The following TEKT2 variants were observed in gnomAD, a reference collection of about 807,000 sequenced individuals.
TEKT2 encodes tektin 2.
TEKT2 carries 45 observed loss-of-function variants against 49.8 expected under a neutral mutation model. The observed-to-expected ratio is 0.90, with a 90% CI of 0.71 to 1.16. The LOEUF is 1.16. TEKT2 is among the 50% of genes most tolerant of loss of function. The probability of loss-of-function intolerance (pLI) is 0.00; values close to 1 mark genes in which losing one functional copy is unlikely to be tolerated. For missense variants in TEKT2, 523 were observed against 551.4 expected (o/e 0.95, Z 0.52); for synonymous variants, 202 against 224.6 (o/e 0.90, Z 0.90).
rs1351793369 is a variant in TEKT2 at position 36,085,997 on chromosome 1, G to C, written c.444G>C (p.Lys148Asn). 6.2e-7 allele frequency: 1 copy of C among 1,605,880 alleles called. No homozygotes were observed. The highest frequency in any genetic ancestry group is 1.7e-5 in the Admixed American group (1 of 58,684). Residue 148 changes from lysine to asparagine, a missense_variant, in exon 4 of 10, where the codon AAG (lysine) becomes AAC (asparagine). Coordinates refer to ENST00000207457, the MANE Select transcript of TEKT2 (RefSeq NM_014466.3). Reference sequence around the variant, plus strand: ...AGGTGGAGGTCATCGAGGCCACCAAGAAGGCCTTGCAACAGAAGGTCAGCC... The same window carrying C: ...AGGTGGAGGTCATCGAGGCCACCAACAAGGCCTTGCAACAGAAGGTCAGCC... ...HKEVEVIEATKKALQQKVSQA... is the reference protein window; with the variant it reads ...HKEVEVIEATNKALQQKVSQA...
chr1:36,085,396 C>A, intron 3 of TEKT2, 108 bp downstream of exon 3: 1 of 1,552,640 alleles, frequency 6.4e-7, no homozygotes, highest in Non-Finnish European at 8.8e-7. Context: ...GCATGTCCAT[C>A]CGAGTCACTG....
At chr1:36,086,166 C>A in intron 4 of TEKT2, 125 bp downstream of exon 4, 1 of 1,029,890 alleles carries the variant, frequency 9.7e-7, no homozygotes, top group Non-Finnish European at 1.5e-6. Context: ...CCCTCTGGTG[C>A]CTGTGACAGA....
chr1:36,088,212 A>AGGGCT lies in TEKT2; in HGVS notation c.*29_*30insCTGGG. ...CCTTGGAGGACTGCAGGAGGAGGGC[A>AGGGCT]GGGTTGGGTGGGCAATGGAAGGAGG... is the stretch of plus-strand genomic sequence containing the variant. On this transcript the variant is annotated 3_prime_UTR_variant, in exon 10 of 10. Coordinates refer to ENST00000207457, the MANE Select transcript of TEKT2 (RefSeq NM_014466.3). The AGGGCT allele has an allele frequency of 2.7e-6, 2 of 734,524 alleles. No homozygotes were observed. Among genetic ancestry groups the AGGGCT allele is most frequent in the Non-Finnish European group, 2.3e-6 (1 of 432,056 alleles). 45.5% of individuals were successfully genotyped at this position (734,524 alleles called of 1,614,324 possible).
chr1:36,086,786 T>C lies in TEKT2; in HGVS notation c.571T>C (p.Ser191Pro), dbSNP rs2124037823. The C allele has an allele frequency of 6.2e-7, 1 of 1,614,068 alleles. No homozygotes were observed. Among genetic ancestry groups the C allele is most frequent in the Non-Finnish European group, 8.5e-7 (1 of 1,180,008 alleles). The change falls in exon 5 of 10, where the codon TCT becomes CCT. Residue 191 changes from serine (S) to proline (P), a missense_variant. Physicochemically the swap from Ser to Pro is moderately conservative, Grantham distance 74. Coordinates refer to ENST00000207457, the MANE Select transcript of TEKT2 (RefSeq NM_014466.3). ...ETLEIDRGCL[S>P]LNLRSPNISL... ...ACTAGAGATCGACAGAGGCTGTCTC[T>C]CTCTCAACCTCAGATCCCCAAACAT... is the stretch of plus-strand genomic sequence containing the variant.
Position 36,087,247 on chromosome 1 carries a change from C to T in TEKT2, c.791C>T (p.Ala264Val), listed in dbSNP as rs1643394594. Residue 264 changes from alanine to valine, a missense_variant, in exon 7 of 10, where the codon GCC (alanine) becomes GTC (valine). Transcript: ENST00000207457. The surrounding 1 kb of genome is among the most constrained non-coding windows in gnomAD (Gnocchi z 4.9). ...GCCCAGAGAGTTGCAACGGAATTTG[C>T]CTTCAGGAAGCGGCTGCGGGAGATG... is the stretch of plus-strand genomic sequence containing the variant. ...LEAQRVATEF[A>V]FRKRLREMEK... 1 of 1,614,134 alleles carries T rather than the reference C, an allele frequency of 6.2e-7. No homozygotes were observed. Among genetic ancestry groups the T allele is most frequent in the African/African-American group, 1.3e-5 (1 of 75,042 alleles).
At position 36,085,844 on chromosome 1, in the gene TEKT2, G is replaced by A. The variant is rs1387026827; in HGVS notation, c.291G>A (p.Glu97=). 2 of 1,613,546 alleles carry A rather than the reference G, an allele frequency of 1.2e-6. No individual in the cohort carries two copies. The highest frequency in any genetic ancestry group is 1.7e-6 in the Non-Finnish European group (2 of 1,179,888). Residue 97 remains glutamate, a synonymous_variant, in exon 4 of 10, where the codon GAG becomes GAA. Transcript: ENST00000207457. ...CGCGCCCTCTTTTCTAGATGAAGGA[G>A]TCAGCAGAGCAAAACCTGCAGGCCA... The part of the protein sequence containing the change: ...AEIDALTQMK[E]SAEQNLQAKN...
At chr1:36,086,888 C>T in intron 5 of TEKT2, 41 bp downstream of exon 5, 1 of 1,614,068 alleles carries the variant, frequency 6.2e-7, no homozygotes, top group South Asian at 1.1e-5. Context: ...CCTCCCCTCC[C>T]AGGCCACACC....
rs144497984 is a variant in TEKT2 at position 36,088,007 on chromosome 1, C to T, written c.1114C>T (p.Arg372Trp). Residue 372 changes from arginine to tryptophan, a missense_variant, in exon 10 of 10, where the codon CGG becomes TGG. Arg to Trp is a moderately radical substitution (Grantham distance 101). Transcript: ENST00000207457. ...ALDALCKHLA[R>W]LQADIACKAN... is the part of the protein sequence containing the mutation. ...GGACGCCCTGTGCAAGCACCTGGCC[C>T]GGCTGCAGGCTGACATTGCCTGCAA... is the stretch of plus-strand genomic sequence containing the variant. 7.3e-4 allele frequency: 1,182 copies of T among 1,611,818 alleles called. 21 individuals are homozygous for T. The Admixed American group carries it at 0.019, about 25-fold the overall frequency.
chr1:36,088,208 G>A lies in TEKT2; in HGVS notation c.*22G>A. The A allele has an allele frequency of 6.4e-7, 1 of 1,558,192 alleles. No homozygotes were observed. Among genetic ancestry groups the A allele is most frequent in the Non-Finnish European group, 8.8e-7 (1 of 1,132,458 alleles). On this transcript the variant is annotated 3_prime_UTR_variant, in exon 10 of 10. Transcript: ENST00000207457. Reference sequence around the variant, plus strand: ...CTAGCCTTGGAGGACTGCAGGAGGAGGGCAGGGTTGGGTGGGCAATGGAAG... The same window carrying A: ...CTAGCCTTGGAGGACTGCAGGAGGAAGGCAGGGTTGGGTGGGCAATGGAAG...
At position 36,087,486 on chromosome 1, in the gene TEKT2, G is replaced by GGAGGAT; in HGVS notation, c.904_909dup (p.Glu302_Asp303dup). On this transcript the variant is annotated inframe_insertion, in exon 8 of 10. Coordinates refer to ENST00000207457, the MANE Select transcript of TEKT2 (RefSeq NM_014466.3). The surrounding 1 kb of genome is among the most constrained non-coding windows in gnomAD (Gnocchi z 4.9). ...TGCAGGAGGACATCCGGCACCTGGA[G>GGAGGAT]GAGGATCTGCGCACAAAGCTCCTGA... is the stretch of plus-strand genomic sequence containing the variant. The GGAGGAT allele has an allele frequency of 6.2e-7, 1 of 1,613,852 alleles. No individual in the cohort carries two copies. The highest frequency in any genetic ancestry group is 8.5e-7 in the Non-Finnish European group (1 of 1,180,040).
At position 36,087,271 on chromosome 1, in the gene TEKT2, TGGAG is replaced by T. The variant is rs1266954564; in HGVS notation, c.816_819del (p.Met272IlefsTer37). 6.2e-7 allele frequency: 1 copy of T among 1,613,896 alleles called. No individual in the cohort carries two copies. On this transcript the variant is annotated frameshift_variant, in exon 7 of 10. Coordinates refer to ENST00000207457, the MANE Select transcript of TEKT2 (RefSeq NM_014466.3). LOFTEE classifies it high-confidence loss of function. This position sits in a 1 kb window ranked among gnomAD's most constrained non-coding sequence, Gnocchi z 4.9. ...GCCTTCAGGAAGCGGCTGCGGGAGA[TGGAG>T]AAAGTGTACAGTGAGCTCAAGTGGC...
chr1:36,085,565 A>C, intron 3 of TEKT2: 1 of 450,384 alleles, frequency 2.2e-6, no homozygotes, highest in Non-Finnish European at 3.8e-6. Flanking sequence ...CCCAGGCTGG[A>C]GTGCAGTGGT....
rs745875770 is a variant in TEKT2, at chr1:36,087,978, C to T, written c.1085C>T (p.Ala362Val). 9 of 1,609,564 alleles carry T rather than the reference C, an allele frequency of 5.6e-6. No homozygotes were observed. The highest frequency in any genetic ancestry group is 7.6e-6 in the Non-Finnish European group (9 of 1,178,682). Residue 362 changes from alanine to valine, a missense_variant, in exon 10 of 10, where the codon GCA becomes GTA. By Grantham distance (64) the Ala-to-Val change is moderately conservative (BLOSUM62 0). Transcript: ENST00000207457. This position sits in a 1 kb window ranked among gnomAD's most constrained non-coding sequence, Gnocchi z 4.9. Reference protein sequence around the residue: ...LKQKLAQAQDALDALCKHLAR... With the variant: ...LKQKLAQAQDVLDALCKHLAR... ...TTGTCAATGTCCTTCCCTAGGGACG[C>T]ACTGGACGCCCTGTGCAAGCACCTG...
intron 5 of TEKT2, 27 bp downstream of exon 5, chr1:36,086,874 T>C: frequency 6.2e-7 from 1 of 1,614,098 alleles, no homozygotes; most frequent in Non-Finnish European, 8.5e-7. Context: ...AGCCAGTCTC[T>C]TCTCCTCCCC....
chr1:36,085,405 TG>T, intron 3 of TEKT2, 117 bp downstream of exon 3: 1 of 1,516,098 alleles, frequency 6.6e-7, no homozygotes, highest in Non-Finnish European at 9.0e-7. Context: ...TCCGAGTCAC[TG>T]GCCCCCTGCT....
At position 36,084,741 on chromosome 1, in the gene TEKT2, C is replaced by A; in HGVS notation, c.-52-129C>A. 1.2e-6 allele frequency: 1 copy of A among 832,354 alleles called. No individual in the cohort carries two copies. The allele number at this position is 832,354 out of a possible 1,614,324, so 51.6% of individuals were successfully genotyped here. On this transcript the variant is annotated intron_variant, in intron 1 of 9. Transcript: ENST00000207457. The surrounding 1 kb of genome is among the most constrained non-coding windows in gnomAD (Gnocchi z 4.1). ...CACACAAAGTTGAGTAAAGCAAGGG[C>A]TGTCTCCAAGCAGGCTTCCAGCAGG... is the stretch of plus-strand genomic sequence containing the variant.
Position 36,087,225 on chromosome 1 carries a change from C to A in TEKT2, c.769C>A (p.Gln257Lys). Residue 257 changes from glutamine (Q) to lysine (K), a missense_variant, in exon 7 of 10, where the codon CAG (glutamine) becomes AAG (lysine). Gln to Lys is a moderately conservative substitution (Grantham distance 53). Transcript: ENST00000207457. This position sits in a 1 kb window ranked among gnomAD's most constrained non-coding sequence, Gnocchi z 4.9. ...TCAGACCAACAACGAGCTTGAAGCC[C>A]AGAGAGTTGCAACGGAATTTGCCTT... The part of the protein sequence containing the change: ...IAETNNELEA[Q>K]RVATEFAFRK... The A allele has an allele frequency of 6.2e-7, 1 of 1,614,142 alleles. No individual in the cohort carries two copies. The highest frequency in any genetic ancestry group is 1.1e-5 in the South Asian group (1 of 91,086).
Position 36,085,887 on chromosome 1 carries a change from G to A in TEKT2, c.334G>A (p.Val112Met). 6.2e-7 allele frequency: 1 copy of A among 1,614,060 alleles called. No individual in the cohort carries two copies. Among genetic ancestry groups the A allele is most frequent in the Non-Finnish European group, 8.5e-7 (1 of 1,180,000 alleles). The change falls in exon 4 of 10, where the codon GTG (valine) becomes ATG (methionine). Residue 112 changes from valine to methionine, a missense_variant. By Grantham distance (21) the Val-to-Met change is conservative. Transcript: ENST00000207457. ...GCAGGCCAAGAACCTGCCTCTGGATGTGGCCATTGAGTGCCTGACCCTGCG... is the reference window on the plus strand; with the variant it reads ...GCAGGCCAAGAACCTGCCTCTGGATATGGCCATTGAGTGCCTGACCCTGCG... ...NLQAKNLPLD[V>M]AIECLTLRES...
chr1:36,084,860 C>T lies in TEKT2; in HGVS notation c.-52-10C>T. ...GAAAGGTCTCCCGCAGCAGTGTTTT[C>T]CCTCTGCAGGTGGTGTCTGTGAACA... On this transcript the variant is annotated splice_polypyrimidine_tract_variant and intron_variant, in intron 1 of 9. Transcript: ENST00000207457. This position sits in a 1 kb window ranked among gnomAD's most constrained non-coding sequence, Gnocchi z 4.1. 1 of 1,608,412 alleles carries T rather than the reference C, an allele frequency of 6.2e-7. No homozygotes were observed. The highest frequency in any genetic ancestry group is 8.5e-7 in the Non-Finnish European group (1 of 1,176,840).
Sources: gnomAD v4.1 joint callset for allele counts on GRCh38, gnomAD v4.1.1 for gene constraint, Gnocchi (gnomAD v3.1) non-coding constraint, MANE v1.5 for transcripts, NCBI Gene and HGNC (gene_info 2026-07-23, HGNC 2026-07-21) for gene names.